The following SP4 variants were observed in gnomAD, a reference collection of about 807,000 sequenced individuals.
SP4 encodes the protein transcription factor Sp4.
In SP4, 19 loss-of-function variants were observed where a neutral mutation model predicts 72.8. The ratio of observed to expected loss-of-function variants is 0.26; its 90% CI spans 0.18 to 0.38. The LOEUF is 0.38. SP4 is among the 10% of genes least tolerant of loss of function. The probability of loss-of-function intolerance (pLI) is 1.00; values close to 1 mark genes in which losing one functional copy is unlikely to be tolerated. For synonymous variants in SP4, 395 were observed against 333.1 expected, an observed-to-expected ratio of 1.19 and a Z score of -2.02; for missense variants, 1,008 against 926.3, an observed-to-expected ratio of 1.09 and a Z score of -1.14.
intron 3 of SP4, among the ~76,000 whole-genome samples, chr7:21,461,114 C>G (rs965195902): frequency 6.6e-6 from 1 of 152,252 alleles, no homozygotes; most frequent in African/African-American, 2.4e-5. Context: ...CCACCAGACT[C>G]AGGAGCCCTG....
chr7:21,513,343 G>C lies in SP4; in HGVS notation c.*2074G>C, dbSNP rs1782195279. On this transcript the variant is annotated 3_prime_UTR_variant, in exon 6 of 6. Coordinates refer to ENST00000222584, the MANE Select transcript of SP4 (RefSeq NM_003112.5). ...GGTTATAAATTTCAAGTTTCTTAAA[G>C]CTTTTGTAGACTTGTAACAGAGTCT... The C allele has an allele frequency of 6.6e-6, 1 of 152,514 alleles. No homozygotes were observed. The highest frequency in any genetic ancestry group is 1.5e-5 in the Non-Finnish European group (1 of 68,000). 9.4% of individuals were successfully genotyped at this position (152,514 alleles called of 1,614,324 possible). A position where few individuals can be genotyped will look rare whatever the true frequency, so the allele number is the denominator to read the frequency against.
intron 3 of SP4, among the ~76,000 whole-genome samples, chr7:21,471,751 T>G (rs1784351549): frequency 2.0e-5 from 3 of 152,206 alleles, no homozygotes; most frequent in African/African-American, 7.2e-5. Flanking sequence ...GGAGGATTGC[T>G]TGAGTCCAAG....
intron 3 of SP4, among the ~76,000 whole-genome samples, chr7:21,454,281 G>T (rs143570216): frequency 1.8e-4 from 28 of 151,922 alleles, no homozygotes; most frequent in African/African-American, 6.5e-4. Context: ...CATAGTAGAA[G>T]TTTAGGAAGC....
chr7:21,502,187 A>G (rs915777349), intron 5 of SP4, among the ~76,000 whole-genome samples: 1 of 152,128 alleles, frequency 6.6e-6, no homozygotes, highest in Non-Finnish European at 1.5e-5. Flanking sequence ...GGACTAAAGC[A>G]CAAGTCCCAG....
chr7:21,490,335 C>A (rs192214461), intron 5 of SP4, among the ~76,000 whole-genome samples: 3 of 152,138 alleles, frequency 2.0e-5, no homozygotes, highest in Non-Finnish European at 2.9e-5. Flanking sequence ...AGAAAAGGGG[C>A]CTTTTGCTCC....
chr7:21,453,226 A>C (rs74409587), intron 3 of SP4, among the ~76,000 whole-genome samples: 475 of 152,302 alleles, frequency 3.1e-3, no homozygotes, highest in African/African-American at 0.011. Context: ...GTTCTGCTTT[A>C]TATTCATGAA....
At chr7:21,491,242 AT>A (rs974355389) in intron 5 of SP4, among the ~76,000 whole-genome samples, 1 of 152,206 alleles carries the variant, frequency 6.6e-6, no homozygotes, top group African/African-American at 2.4e-5. Context: ...CTAAATAGAA[AT>A]TTTAGATTTA....
chr7:21,438,789 C>T (rs1783134913), intron 3 of SP4, among the ~76,000 whole-genome samples: 1 of 152,204 alleles, frequency 6.6e-6, no homozygotes, highest in African/African-American at 2.4e-5. Flanking sequence ...GGAATCTTCT[C>T]TTTGTCCAGT....
At chr7:21,473,914 T>C (rs994471145) in intron 3 of SP4, among the ~76,000 whole-genome samples, 1 of 151,768 alleles carries the variant, frequency 6.6e-6, no homozygotes, top group Non-Finnish European at 1.5e-5. Flanking sequence ...TGCTCTGGAG[T>C]TTGGTGGCTT....
intron 3 of SP4, among the ~76,000 whole-genome samples, chr7:21,449,131 C>G (rs528703618): frequency 1.3e-5 from 2 of 152,314 alleles, no homozygotes; most frequent in African/African-American, 4.8e-5. Context: ...GGGCGAGGTA[C>G]CAAACAACTA....
chr7:21,428,269 TC>T lies in SP4; in HGVS notation c.7+13del. 1 of 1,473,026 alleles carries T rather than the reference TC, an allele frequency of 6.8e-7. No individual in the cohort carries two copies. The highest frequency in any genetic ancestry group is 9.3e-7 in the Non-Finnish European group (1 of 1,080,912). 91.2% of individuals were successfully genotyped at this position (1,473,026 alleles called of 1,614,324 possible). ...AATGCGGGATGAGCGGTACGTATTCTCCACCCCCCTCAGTCTCCTTCGCCGC... is the reference window on the plus strand; with the variant it reads ...AATGCGGGATGAGCGGTACGTATTCTCACCCCCCTCAGTCTCCTTCGCCGC... On this transcript the variant is annotated intron_variant, in intron 1 of 5. Transcript: ENST00000222584.
At chr7:21,436,071 G>A (rs180980679) in intron 3 of SP4, among the ~76,000 whole-genome samples, 1 of 152,170 alleles carries the variant, frequency 6.6e-6, no homozygotes, top group East Asian at 1.9e-4. Flanking sequence ...GCTAATTTTT[G>A]TATTTTTAGT....
chr7:21,437,739 A>C (rs1049810591), intron 3 of SP4, among the ~76,000 whole-genome samples: 3 of 152,196 alleles, frequency 2.0e-5, no homozygotes, highest in Non-Finnish European at 2.9e-5. Flanking sequence ...ACCTGTGAAA[A>C]TGATTTGGGA....
chr7:21,449,907 C>A (rs1207005537), intron 3 of SP4, among the ~76,000 whole-genome samples: 1 of 152,144 alleles, frequency 6.6e-6, no homozygotes, highest in Non-Finnish European at 1.5e-5. Context: ...ATTTTGTTTT[C>A]TCCTATCCCA....
rs374928578 is a variant in SP4, at chr7:21,506,453, C to G, written c.2108-4569C>G. 1.1e-4 allele frequency among the ~76,000 whole-genome samples: 16 copies of G among 152,316 alleles called. No individual in the cohort carries two copies. The East Asian group carries it at 3.1e-3, about 29-fold the overall frequency. On this transcript the variant is annotated intron_variant, in intron 5 of 5. Coordinates refer to ENST00000222584, the MANE Select transcript of SP4 (RefSeq NM_003112.5). ...CCCTGTCTTTCCACACTTGTAACAT[C>G]CACTCATAGTCTTAGGACCTTTTCC... is the stretch of plus-strand genomic sequence containing the variant.
intron 3 of SP4, among the ~76,000 whole-genome samples, chr7:21,454,625 A>G (rs1409853642): frequency 2.0e-5 from 3 of 152,254 alleles, no homozygotes; most frequent in Admixed American, 2.0e-4. Context: ...AAGGGGGAGC[A>G]GATGAGGTTA....
At chr7:21,448,882 T>G (rs1467688069) in intron 3 of SP4, among the ~76,000 whole-genome samples, 3 of 152,220 alleles carry the variant, frequency 2.0e-5, no homozygotes, top group Non-Finnish European at 4.4e-5. Flanking sequence ...GAAATGAGAC[T>G]CCTCTATTAC....
intron 3 of SP4, among the ~76,000 whole-genome samples, chr7:21,459,631 T>C (rs1005433123): frequency 2.6e-5 from 4 of 152,250 alleles, no homozygotes; most frequent in Non-Finnish European, 4.4e-5. Flanking sequence ...AAGATTATAC[T>C]GTTTTTAGAT....
chr7:21,492,942 G>C (rs1230437620), intron 5 of SP4, among the ~76,000 whole-genome samples: 1 of 152,232 alleles, frequency 6.6e-6, no homozygotes, highest in Non-Finnish European at 1.5e-5. Flanking sequence ...GCTCATGCCT[G>C]TAATCCCAGC....
Sources: gnomAD v4.1 joint callset for allele counts (sites outside exome capture counted in the v4.1 genomes callset) on GRCh38, gnomAD v4.1.1 for gene constraint, MANE v1.5 for transcripts, NCBI Gene and HGNC (gene_info 2026-07-23, HGNC 2026-07-21) for gene names.